KIF1A: variants seen among roughly 807,000 people sequenced by gnomAD.
The protein encoded by KIF1A is kinesin family member 1A, also known as kinesin-like protein KIF1A.
In KIF1A, 46 loss-of-function variants were observed where a neutral mutation model predicts 227.3. That is an observed-to-expected ratio of 0.20 (90% CI 0.16 to 0.26). KIF1A has a LOEUF of 0.26. Ranked by LOEUF, KIF1A falls within the 10% of genes least tolerant of loss-of-function variation. The pLI is 1.00. For synonymous variants in KIF1A, 1,022 were observed against 1,012.8 expected (o/e 1.01, Z -0.17); for missense variants, 1,683 against 2,485.9 (o/e 0.68, Z 6.87).
intron 15 of KIF1A, among the ~76,000 whole-genome samples, chr2:240,770,223 G>A (rs576623687): frequency 1.3e-4 from 20 of 152,304 alleles, no homozygotes; most frequent in Admixed American, 6.5e-4. Flanking sequence ...GTCTCCAGGC[G>A]TGTGGCTCAC....
At chr2:240,730,734 T>C (rs552374447) in intron 38 of KIF1A, among the ~76,000 whole-genome samples, 27 of 152,192 alleles carry the variant, frequency 1.8e-4, no homozygotes, top group Non-Finnish European at 3.5e-4. Flanking sequence ...TCACAGGATC[T>C]GGACATGACA....
rs759484520 is a variant in KIF1A at position 240,789,213 on chromosome 2, C to G, written c.183+23G>C. The G allele has an allele frequency of 6.2e-7, 1 of 1,605,996 alleles. No individual in the cohort carries two copies. Among genetic ancestry groups the G allele is most frequent in the East Asian group, 2.2e-5 (1 of 44,846 alleles). ...CCTATGCACTGCTGCCCCCGCCTCC[C>G]CCGACCCGGGGTCCCGGCTTACTGA... On this transcript the variant is annotated intron_variant, in intron 3 of 48. Transcript: ENST00000498729. This position sits in a 1 kb window ranked among gnomAD's most constrained non-coding sequence, Gnocchi z 4.8.
At chr2:240,742,823 C>A in intron 34 of KIF1A, 106 bp downstream of exon 34, 1 of 1,055,878 alleles carries the variant, frequency 9.5e-7, no homozygotes, top group Non-Finnish European at 1.4e-6. Context: ...TGGGAGGGCA[C>A]AGCCCAGTCA....
At position 240,758,154 on chromosome 2, in the gene KIF1A, C is replaced by G. The variant is rs1049439241; in HGVS notation, c.2582+206G>C. The stretch of plus-strand genomic sequence containing the variant: ...GTGGCAGTGCCAAGACCCCATCCCA[C>G]GTCCCCTGAAATAACAGGCCCTGTG... On this transcript the variant is annotated intron_variant, in intron 26 of 48. Coordinates refer to ENST00000498729, the MANE Select transcript of KIF1A (RefSeq NM_001244008.2). The surrounding 1 kb of genome is among the most constrained non-coding windows in gnomAD (Gnocchi z 5.2). 6.6e-6 allele frequency among the ~76,000 whole-genome samples: 1 copy of G among 152,210 alleles called. No homozygotes were observed. Among genetic ancestry groups the G allele is most frequent in the Non-Finnish European group, 1.5e-5 (1 of 68,038 alleles).
Position 240,757,414 on chromosome 2 carries a change from C to CTCCTCCTCA in KIF1A, c.2754_2762dup (p.Asp918_Glu920dup), listed in dbSNP as rs1370485087. 6.5e-7 allele frequency: 1 copy of CTCCTCCTCA among 1,533,148 alleles called. No homozygotes were observed. Among genetic ancestry groups the CTCCTCCTCA allele is most frequent in the Non-Finnish European group, 8.7e-7 (1 of 1,142,932 alleles). 95.0% of individuals were successfully genotyped at this position (1,533,148 alleles called of 1,614,324 possible). ...GAAAGACGTCGTCCTCCAGGTCCTC[C>CTCCTCCTCA]TCCTCCTCATCCTCCTCCTCCTCCT... On this transcript the variant is annotated inframe_insertion, in exon 27 of 49. Coordinates refer to ENST00000498729, the MANE Select transcript of KIF1A (RefSeq NM_001244008.2). The surrounding 1 kb of genome is among the most constrained non-coding windows in gnomAD (Gnocchi z 6.2).
intron 1 of KIF1A, among the ~76,000 whole-genome samples, chr2:240,800,994 A>G (rs2056916541): frequency 8.1e-6 from 1 of 123,522 alleles, no homozygotes; most frequent in Non-Finnish European, 1.6e-5. Flanking sequence ...GAACCTCTAC[A>G]CTCTTTTATT....
At chr2:240,724,129 G>T in intron 40 of KIF1A, 93 bp from the exon 41 acceptor site, 1 of 1,086,096 alleles carries the variant, frequency 9.2e-7, no homozygotes, top group Non-Finnish European at 1.4e-6. Context: ...ACTATCAAAC[G>T]CACAGTCAGC....
chr2:240,731,309 G>A (rs1313734121), intron 38 of KIF1A, among the ~76,000 whole-genome samples: 3 of 152,162 alleles, frequency 2.0e-5, no homozygotes, highest in South Asian at 2.1e-4. Context: ...AGGCAGGGAG[G>A]GGGTGGGGGC....
At chr2:240,728,554 G>C in intron 38 of KIF1A, 1 of 498,160 alleles carries the variant, frequency 2.0e-6, no homozygotes, top group Non-Finnish European at 3.8e-6. Flanking sequence ...CCAGGCTCTC[G>C]CTGCACACAG....
At chr2:240,773,348 C>A in intron 12 of KIF1A, 92 bp from the exon 13 acceptor site, 1 of 1,511,036 alleles carries the variant, frequency 6.6e-7, no homozygotes, top group South Asian at 1.2e-5. Context: ...AAGACCCAGC[C>A]TTTTGGGCTC....
chr2:240,743,884 G>A, intron 33 of KIF1A, 58 bp downstream of exon 33: 2 of 1,160,844 alleles, frequency 1.7e-6, no homozygotes, highest in Non-Finnish European at 2.6e-6. Flanking sequence ...TGGATGAAAA[G>A]ATCTGGGCAG....
At position 240,758,387 on chromosome 2, in the gene KIF1A, C is replaced by A; in HGVS notation, c.2555G>T (p.Arg852Leu). 1 of 1,612,136 alleles carries A rather than the reference C, an allele frequency of 6.2e-7. No individual in the cohort carries two copies. The highest frequency in any genetic ancestry group is 8.5e-7 in the Non-Finnish European group (1 of 1,178,922). Reference sequence around the variant, plus strand: ...GCCCACCAGCCGGAACCAGGGGAAGCGGTCATAGAAGGGGTCTCCGCCGGT... The same window carrying A: ...GCCCACCAGCCGGAACCAGGGGAAGAGGTCATAGAAGGGGTCTCCGCCGGT... ...VVTGGDPFYDRFPWFRLVGSS... is the reference protein window; with the variant it reads ...VVTGGDPFYDLFPWFRLVGSS... The change falls in exon 26 of 49, where the codon CGC (arginine) becomes CTC (leucine). Residue 852 changes from arginine (R) to leucine (L), a missense_variant. Physicochemically the swap from Arg to Leu is moderately radical, Grantham distance 102. Transcript: ENST00000498729. This position sits in a 1 kb window ranked among gnomAD's most constrained non-coding sequence, Gnocchi z 5.2.
At chr2:240,735,605 C>T (rs2047220576) in intron 38 of KIF1A, among the ~76,000 whole-genome samples, 1 of 152,182 alleles carries the variant, frequency 6.6e-6, no homozygotes, top group African/African-American at 2.4e-5. Context: ...CATGGCAGAC[C>T]CGCCCTTCCG....
Position 240,745,459 on chromosome 2 carries a change from C to T in KIF1A, c.3433G>A (p.Gly1145Ser). ...ACGTGGTAGAAGCCAAGTGGGGGGC[C>T]TCTGCCTGTGTTCTTCAGGGGCTCT... is the stretch of plus-strand genomic sequence containing the variant. ...STEPLKNTGR[G>S]PPLGFYHVQN... The change falls in exon 32 of 49, where the codon GGC becomes AGC. Residue 1145 changes from glycine (G) to serine (S), a missense_variant. This residue lies in a region of KIF1A where 759 missense variants were observed against 1,020.2 expected (regional missense o/e 0.74). Transcript: ENST00000498729. 1 of 1,613,810 alleles carries T rather than the reference C, an allele frequency of 6.2e-7. No homozygotes were observed. The highest frequency in any genetic ancestry group is 8.5e-7 in the Non-Finnish European group (1 of 1,179,806).
chr2:240,735,823 G>A (rs1219121415), intron 38 of KIF1A, among the ~76,000 whole-genome samples: 1 of 151,890 alleles, frequency 6.6e-6, no homozygotes, highest in African/African-American at 2.4e-5. Context: ...TCTCCCAGAC[G>A]TGCTCCCCCC....
chr2:240,723,650 C>G (rs2045664034), intron 41 of KIF1A, 92 bp from the exon 42 acceptor site: 2 of 1,408,496 alleles, frequency 1.4e-6, no homozygotes, highest in Non-Finnish European at 1.9e-6. Context: ...GAAGCTGTCT[C>G]CCCTCTGGAG....
chr2:240,801,926 T>C (rs1482077961), intron 1 of KIF1A, among the ~76,000 whole-genome samples: 1 of 152,164 alleles, frequency 6.6e-6, no homozygotes, highest in Non-Finnish European at 1.5e-5. Context: ...GGAGAAGCAG[T>C]ATTTACAAAA....
chr2:240,748,111 C>T (rs999303869), intron 28 of KIF1A, among the ~76,000 whole-genome samples: 8 of 152,358 alleles, frequency 5.3e-5, no homozygotes, highest in Non-Finnish European at 7.3e-5. Context: ...GGAGGCCTGG[C>T]GACGCAGCCC....
rs1189648862 is a variant in KIF1A, at chr2:240,788,693, G to C, written c.184-463C>G. On this transcript the variant is annotated intron_variant, in intron 3 of 48. Coordinates refer to ENST00000498729, the MANE Select transcript of KIF1A (RefSeq NM_001244008.2). The surrounding 1 kb of genome is among the most constrained non-coding windows in gnomAD (Gnocchi z 6.6). ...GATTAGCTGGGGGTCATCCTGGAAG[G>C]AGGAAGGACTGGATGGGGAAGGCAG... is the stretch of plus-strand genomic sequence containing the variant. Among the ~76,000 whole-genome samples the C allele has an allele frequency of 1.3e-5, 2 of 152,122 alleles. No individual in the cohort carries two copies. Among genetic ancestry groups the C allele is most frequent in the Admixed American group, 6.5e-5 (1 of 15,280 alleles).
Sources: gnomAD v4.1 joint callset for allele counts (sites outside exome capture counted in the v4.1 genomes callset) on GRCh38, gnomAD v4.1.1 for gene constraint, gnomAD v4.1.1 regional missense constraint, Gnocchi (gnomAD v3.1) non-coding constraint, MANE v1.5 for transcripts, NCBI Gene and HGNC (gene_info 2026-07-23, HGNC 2026-07-21) for gene names.